PYGL: variants seen among roughly 807,000 people sequenced by gnomAD.
PYGL encodes glycogen phosphorylase L, also known as glycogen phosphorylase, liver form.
PYGL carries 90 observed loss-of-function variants against 100.1 expected under a neutral mutation model. The ratio of observed to expected loss-of-function variants is 0.90; its 90% CI spans 0.76 to 1.07. The LOEUF (loss-of-function observed/expected upper bound fraction) is 1.07. PYGL is among the 50% of genes least tolerant of loss of function. The probability of loss-of-function intolerance (pLI) is 0.00; values close to 1 mark genes in which losing one functional copy is unlikely to be tolerated. For missense variants in PYGL, 1,016 were observed against 1,057.6 expected (o/e 0.96, Z 0.55); for synonymous variants, 373 against 393.0 (o/e 0.95, Z 0.60).
At chr14:50,914,894 T>C in intron 11 of PYGL, 79 bp from the exon 12 acceptor site, 2 of 1,113,416 alleles carry the variant, frequency 1.8e-6, no homozygotes, top group South Asian at 1.2e-5. Flanking sequence ...TTCGGAGTTA[T>C]ATTCAAGAAG....
intron 13 of PYGL, 42 bp downstream of exon 13, chr14:50,912,987 A>G: frequency 6.4e-7 from 1 of 1,557,910 alleles, no homozygotes; most frequent in Non-Finnish European, 8.9e-7. Context: ...ATAAACTCTC[A>G]CAGTGAGTGC....
At position 50,937,851 on chromosome 14, in the gene PYGL, AAG is replaced by A; in HGVS notation, c.244-16_244-15del. The A allele has an allele frequency of 6.3e-7, 1 of 1,591,118 alleles. No individual in the cohort carries two copies. Among genetic ancestry groups the A allele is most frequent in the Non-Finnish European group, 8.6e-7 (1 of 1,159,276 alleles). On this transcript the variant is annotated splice_polypyrimidine_tract_variant and intron_variant, in intron 1 of 19. Transcript: ENST00000216392. ...GTAATATACCCTCTGAAATAAAGAA[AAG>A]AGAGATAATGTTTCCCCCAAGAGAT...
Position 50,910,004 on chromosome 14 carries a change from T to G in PYGL, c.2068A>C (p.Ile690Leu). ...ACATTGGCCCCATCCATGGTCCCGA[T>G]AGTTAGGGCCCCATTTAGCATGAAC... ...MKFMLNGALT[I>L]GTMDGANVEM... The change falls in exon 17 of 20, where the codon ATC becomes CTC. Residue 690 changes from isoleucine (I) to leucine (L), a missense_variant. Ile to Leu is a conservative substitution (Grantham distance 5). Coordinates refer to ENST00000216392, the MANE Select transcript of PYGL (RefSeq NM_002863.5). The G allele has an allele frequency of 6.2e-7, 1 of 1,614,180 alleles. No homozygotes were observed. The highest frequency in any genetic ancestry group is 8.5e-7 in the Non-Finnish European group (1 of 1,180,008).
At chr14:50,935,296 T>C (rs1021797142) in intron 2 of PYGL, 111 bp from the exon 3 acceptor site, 12 of 867,246 alleles carry the variant, frequency 1.4e-5, no homozygotes, top group Non-Finnish European at 2.3e-5. Context: ...GCTGTGTACC[T>C]AATCTAGCGT....
At chr14:50,914,151 A>T (rs371965825) in intron 12 of PYGL, among the ~76,000 whole-genome samples, 39 of 152,336 alleles carry the variant, frequency 2.6e-4, no homozygotes, top group African/African-American at 8.2e-4. Context: ...GAATACTGTT[A>T]GCTGCAACTA....
At chr14:50,918,962 G>A (rs1332586297) in intron 7 of PYGL, among the ~76,000 whole-genome samples, 4 of 152,064 alleles carry the variant, frequency 2.6e-5, no homozygotes, top group African/African-American at 7.3e-5. Context: ...CAGGGCTATG[G>A]CCAAGTTGAG....
intron 12 of PYGL, among the ~76,000 whole-genome samples, chr14:50,913,781 C>T (rs1366737967): frequency 6.6e-6 from 1 of 152,090 alleles, no homozygotes; most frequent in African/African-American, 2.4e-5. Context: ...CCTTGACCTC[C>T]TGGGCTCAAG....
chr14:50,934,696 T>C (rs1024119712), intron 3 of PYGL, among the ~76,000 whole-genome samples: 11 of 152,064 alleles, frequency 7.2e-5, no homozygotes, highest in African/African-American at 2.7e-4. Flanking sequence ...TGTGTGTACA[T>C]ATGTATATAA....
At position 50,914,792 on chromosome 14, in the gene PYGL, T is replaced by G. The variant is rs1566502714; in HGVS notation, c.1427A>C (p.Glu476Ala). 1 of 1,613,910 alleles carries G rather than the reference T, an allele frequency of 6.2e-7. No homozygotes were observed. ...GGTTTTATTCTGAAACTTGTCAGGTTCTAGCTCACTGAAGTCCTTGAATCT... is the reference window on the plus strand; with the variant it reads ...GGTTTTATTCTGAAACTTGTCAGGTGCTAGCTCACTGAAGTCCTTGAATCT... ...TKVFKDFSEL[E>A]PDKFQNKTNG... The change falls in exon 12 of 20, where the codon GAA becomes GCA. Residue 476 changes from glutamate (E) to alanine (A), a missense_variant. Transcript: ENST00000216392.
rs533002177 is a variant in PYGL at position 50,937,614 on chromosome 14, C to T, written c.345+122G>A. 27 of 926,684 alleles carry T rather than the reference C, an allele frequency of 2.9e-5. No homozygotes were observed. In the African/African-American group the frequency reaches 4.1e-4, roughly 14 times the overall value. 57.4% of individuals were successfully genotyped at this position (926,684 alleles called of 1,614,324 possible). On this transcript the variant is annotated intron_variant, in intron 2 of 19. Coordinates refer to ENST00000216392, the MANE Select transcript of PYGL (RefSeq NM_002863.5). ...TATTTCTAAAAGTTTGTAATAGCCA[C>T]ATCTATAGAGGCGATTTTTCACTCT...
At chr14:50,925,418 A>C (rs1427198508) in intron 4 of PYGL, among the ~76,000 whole-genome samples, 1 of 152,240 alleles carries the variant, frequency 6.6e-6, no homozygotes, top group Non-Finnish European at 1.5e-5. Context: ...CAGCTTTGTC[A>C]ATGAGATAAT....
In PYGL at chr14:50,908,867, G is replaced by A. The variant is rs1260636606; in HGVS notation, c.2266C>T (p.Pro756Ser). The change falls in exon 18 of 20, where the codon CCT becomes TCT. Residue 756 changes from proline to serine, a missense_variant. Transcript: ENST00000216392. ...IDNGFFSPKQPDLFKDIINML... is the reference protein window; with the variant it reads ...IDNGFFSPKQSDLFKDIINML... Reference sequence around the variant, plus strand: ...TTGATGATATCTTTGAAGAGGTCAGGCTGCTTGGGAGAAAAAAAGCCATTG... The same window carrying A: ...TTGATGATATCTTTGAAGAGGTCAGACTGCTTGGGAGAAAAAAAGCCATTG... 6.4e-7 allele frequency: 1 copy of A among 1,573,374 alleles called. No individual in the cohort carries two copies.
At position 50,908,817 on chromosome 14, in the gene PYGL, T is replaced by C; in HGVS notation, c.2312+4A>G. ...AATAGCACCATCTTCTTATGGGAAC[T>C]CACCTGTCATGATAAAATAGCATGT... is the stretch of plus-strand genomic sequence containing the variant. On this transcript the variant is annotated splice_donor_region_variant and intron_variant, in intron 18 of 19. Coordinates refer to ENST00000216392, the MANE Select transcript of PYGL (RefSeq NM_002863.5). 1 of 1,561,668 alleles carries C rather than the reference T, an allele frequency of 6.4e-7. No homozygotes were observed. The highest frequency in any genetic ancestry group is 1.4e-5 in the African/African-American group (1 of 73,786).
rs932051340 is a variant in PYGL at position 50,935,139 on chromosome 14, C to T, written c.392G>A (p.Gly131Glu). 1.9e-6 allele frequency: 3 copies of T among 1,613,014 alleles called. No individual in the cohort carries two copies. Among genetic ancestry groups the T allele is most frequent in the Non-Finnish European group, 2.5e-6 (3 of 1,178,960 alleles). ...EELEEIEEDAGLGNGGLGRLA... is the reference protein window; with the variant it reads ...EELEEIEEDAELGNGGLGRLA... ...TCTCCCAAGACCACCATTGCCAAGTCCAGCATCTTCTTCAATTTCTTCTAA... is the reference window on the plus strand; with the variant it reads ...TCTCCCAAGACCACCATTGCCAAGTTCAGCATCTTCTTCAATTTCTTCTAA... Residue 131 changes from glycine (G) to glutamate (E), a missense_variant, in exon 3 of 20, where the codon GGA becomes GAA. Physicochemically the swap from Gly to Glu is moderately conservative, Grantham distance 98 (BLOSUM62 -2). Coordinates refer to ENST00000216392, the MANE Select transcript of PYGL (RefSeq NM_002863.5).
rs2050731474 is a variant in PYGL, at chr14:50,944,361, T to C, written c.43A>G (p.Ser15Gly). 1 of 1,613,462 alleles carries C rather than the reference T, an allele frequency of 6.2e-7. No individual in the cohort carries two copies. Among genetic ancestry groups the C allele is most frequent in the Non-Finnish European group, 8.5e-7 (1 of 1,179,818 alleles). ...TCCACGCCCACGATGCCGCGGATGC[T>C]GATCTGCCGCCGCTTCTCCTGGTCC... ...LTDQEKRRQI[S>G]IRGIVGVENV... Residue 15 changes from serine (S) to glycine (G), a missense_variant, in exon 1 of 20, where the codon AGC (serine) becomes GGC (glycine). Physicochemically the swap from Ser to Gly is moderately conservative, Grantham distance 56. Coordinates refer to ENST00000216392, the MANE Select transcript of PYGL (RefSeq NM_002863.5).
chr14:50,911,594 A>C, intron 16 of PYGL, 136 bp downstream of exon 16: 1 of 1,117,116 alleles, frequency 9.0e-7, no homozygotes, highest in Non-Finnish European at 1.3e-6. Flanking sequence ...CTCTTACCGT[A>C]GGCCCTTATT....
chr14:50,915,757 C>T (rs1240550636), intron 10 of PYGL, 68 bp downstream of exon 10: 4 of 1,559,932 alleles, frequency 2.6e-6, no homozygotes, highest in Admixed American at 1.7e-5. Flanking sequence ...AGAGGGAACA[C>T]TGTAGCCATC....
At chr14:50,925,327 T>C (rs1430028509) in intron 4 of PYGL, among the ~76,000 whole-genome samples, 1 of 152,218 alleles carries the variant, frequency 6.6e-6, no homozygotes, top group Admixed American at 6.5e-5. Flanking sequence ...TGTTGTATTG[T>C]TGACTGAAAT....
chr14:50,906,709 T>C (rs1430151789), intron 19 of PYGL, among the ~76,000 whole-genome samples: 1 of 152,224 alleles, frequency 6.6e-6, no homozygotes, highest in Non-Finnish European at 1.5e-5. Flanking sequence ...CCCTGTGTCT[T>C]TGCATTCTTG....
Sources: allele counts gnomAD v4.1 joint callset (sites outside exome capture counted in the v4.1 genomes callset), GRCh38; gene constraint gnomAD v4.1.1; transcripts MANE v1.5; gene names NCBI Gene and HGNC (gene_info 2026-07-23, HGNC 2026-07-21).